ZFAT: variants seen among roughly 807,000 people sequenced by gnomAD.
The protein encoded by ZFAT is zinc finger protein ZFAT.
Under a neutral mutation model 117.7 loss-of-function variants are expected in ZFAT, and 64 were observed. The observed-to-expected ratio is 0.54, with a 90% CI of 0.44 to 0.67. The LOEUF is 0.67. Ranked by LOEUF, ZFAT falls within the 30% of genes least tolerant of loss-of-function variation. ZFAT has a pLI of 0.00. For missense variants in ZFAT, 1,433 were observed against 1,584.5 expected, an observed-to-expected ratio of 0.90 and a Z score of 1.62; for synonymous variants, 679 against 615.0, an observed-to-expected ratio of 1.10 and a Z score of -1.54.
At chr8:134,549,565 T>C (rs919258997) in intron 11 of ZFAT, among the ~76,000 whole-genome samples, 1 of 151,854 alleles carries the variant, frequency 6.6e-6, no homozygotes, top group African/African-American at 2.4e-5. Context: ...GCAAGAAGAA[T>C]ACTGATCACT....
intron 10 of ZFAT, among the ~76,000 whole-genome samples, chr8:134,567,334 T>C (rs187544043): frequency 6.6e-6 from 1 of 152,310 alleles, no homozygotes; most frequent in Admixed American, 6.5e-5. Flanking sequence ...ATATTTCTCA[T>C]GTCTGTCTAT....
At chr8:134,574,446 A>G (rs952647798) in intron 10 of ZFAT, among the ~76,000 whole-genome samples, 4 of 151,882 alleles carry the variant, frequency 2.6e-5, no homozygotes, top group African/African-American at 7.3e-5. Flanking sequence ...GTTTCTTACT[A>G]CAGCCTCATC....
At chr8:134,492,003 A>G (rs1184337404) in intron 15 of ZFAT, among the ~76,000 whole-genome samples, 1 of 150,462 alleles carries the variant, frequency 6.6e-6, no homozygotes, top group Non-Finnish European at 1.5e-5. Flanking sequence ...AGGACACTAG[A>G]GTTTTTTTGT....
chr8:134,712,496 T>G (rs559106738), intron 1 of ZFAT, among the ~76,000 whole-genome samples: 9 of 145,886 alleles, frequency 6.2e-5, no homozygotes, highest in African/African-American at 1.9e-4. Flanking sequence ...CAAGGTCCAG[T>G]CAAAGAGCTG....
At chr8:134,513,887 A>C (rs1439821786) in intron 13 of ZFAT, among the ~76,000 whole-genome samples, 1 of 152,250 alleles carries the variant, frequency 6.6e-6, no homozygotes, top group Admixed American at 6.5e-5. Flanking sequence ...GTAGTCACCC[A>C]AAAAATATTC....
intron 10 of ZFAT, among the ~76,000 whole-genome samples, chr8:134,581,419 A>C (rs1215445170): frequency 6.6e-6 from 1 of 152,190 alleles, no homozygotes; most frequent in African/African-American, 2.4e-5. Flanking sequence ...TCTTCCTAGA[A>C]TCAGAGAATT....
At chr8:134,753,617 G>A in the ZFAT span, among the ~76,000 whole-genome samples, 1 of 152,184 alleles carries the variant, frequency 6.6e-6, no homozygotes, top group Admixed American at 6.5e-5. Context: ...GAATAGTTAA[G>A]TAGTTATTAG....
chr8:134,713,729 A>G (rs1372877527), upstream of ZFAT, among the ~76,000 whole-genome samples: 1 of 151,988 alleles, frequency 6.6e-6, no homozygotes, highest in Non-Finnish European at 1.5e-5. Flanking sequence ...TTTGGTTTTG[A>G]TGTTAAGGTG....
chr8:134,669,880 T>C (rs1045505120), intron 1 of ZFAT, among the ~76,000 whole-genome samples: 5 of 152,100 alleles, frequency 3.3e-5, no homozygotes, highest in African/African-American at 1.2e-4. Flanking sequence ...GAGACACACA[T>C]AGGCTCAAAA....
At chr8:134,751,349 G>A in the ZFAT span, among the ~76,000 whole-genome samples, 3 of 152,288 alleles carry the variant, frequency 2.0e-5, no homozygotes, top group African/African-American at 7.2e-5. Flanking sequence ...CATCAAGGAC[G>A]AAGGTCCTCA....
At chr8:134,487,168 C>A (rs1041237223) in intron 15 of ZFAT, among the ~76,000 whole-genome samples, 6 of 152,138 alleles carry the variant, frequency 3.9e-5, no homozygotes, top group Non-Finnish European at 8.8e-5. Flanking sequence ...GTGTCCATTG[C>A]TACACTTGTG....
chr8:134,704,711 A>G (rs1159717903), intron 1 of ZFAT, among the ~76,000 whole-genome samples: 1 of 152,226 alleles, frequency 6.6e-6, no homozygotes, highest in Admixed American at 6.5e-5. Context: ...GAACTGATGC[A>G]TAATTTTCAA....
chr8:134,627,274 G>T (rs1238242808), intron 3 of ZFAT, among the ~76,000 whole-genome samples: 1 of 152,226 alleles, frequency 6.6e-6, no homozygotes, highest in Non-Finnish European at 1.5e-5. Flanking sequence ...TGCATTAGAG[G>T]TGATGACAGT....
intron 7 of ZFAT, among the ~76,000 whole-genome samples, chr8:134,593,088 C>T (rs1163264838): frequency 6.6e-6 from 1 of 152,140 alleles, no homozygotes; most frequent in Non-Finnish European, 1.5e-5. Flanking sequence ...GGGCGAGATG[C>T]CCCGGGTCAG....
rs199797397 is a variant in ZFAT, at chr8:134,493,861, A to AT, written c.3493-15141_3493-15140insA. Among the ~76,000 whole-genome samples, 1,222 of 152,330 alleles carry AT rather than the reference A, an allele frequency of 8.0e-3. 9 individuals carry two copies. Among genetic ancestry groups the AT allele is most frequent in the Middle Eastern group, 0.024 (7 of 294 alleles). ...ACCCAGCTTATAGTAGGCACTCAAT[A>AT]AACACTGAATTGAATTATTCAAATG... is the stretch of plus-strand genomic sequence containing the variant. On this transcript the variant is annotated intron_variant, in intron 15 of 15. Coordinates refer to ENST00000377838, the MANE Select transcript of ZFAT (RefSeq NM_020863.4).
chr8:134,804,193 A>C, the ZFAT span, among the ~76,000 whole-genome samples: 86 of 152,348 alleles, frequency 5.6e-4, no homozygotes, highest in Admixed American at 1.6e-3. Context: ...AGCTGCTTTC[A>C]GGGCAGCTAT....
At chr8:134,700,772 C>G (rs75817454) in intron 1 of ZFAT, among the ~76,000 whole-genome samples, 46 of 152,296 alleles carry the variant, frequency 3.0e-4, no homozygotes, top group Admixed American at 9.8e-4. Flanking sequence ...CTGAGCCCCT[C>G]GCCCAGCCCA....
intron 3 of ZFAT, among the ~76,000 whole-genome samples, chr8:134,617,521 T>C (rs992030414): frequency 1.3e-5 from 2 of 152,170 alleles, no homozygotes; most frequent in Admixed American, 1.3e-4. Context: ...CGACAGAAAG[T>C]CTGGGTTCTA....
chr8:134,784,172 G>T, the ZFAT span: 2 of 152,170 alleles, frequency 1.3e-5, no homozygotes, highest in African/African-American at 4.8e-5. Flanking sequence ...GTTTCAACAC[G>T]CCAGATCTAT....
Sources: allele counts gnomAD v4.1 joint callset (sites outside exome capture counted in the v4.1 genomes callset), GRCh38; gene constraint gnomAD v4.1.1; transcripts MANE v1.5; gene names NCBI Gene and HGNC (gene_info 2026-07-23, HGNC 2026-07-21).